The following FGFR1OP2 variants were observed in gnomAD, a reference collection of about 807,000 sequenced individuals.
FGFR1OP2 encodes the protein fibroblast growth factor receptor 1 oncogene partner 2.
Under a neutral mutation model 35.2 loss-of-function variants are expected in FGFR1OP2, and 17 were observed. The observed-to-expected ratio is 0.48, with a 90% CI of 0.33 to 0.73. The LOEUF (loss-of-function observed/expected upper bound fraction) is 0.73, where lower values mean the gene tolerates loss of function less well. Ranked by LOEUF, FGFR1OP2 falls within the 30% of genes least tolerant of loss-of-function variation. The probability of loss-of-function intolerance (pLI) is 0.02; values close to 1 mark genes in which losing one functional copy is unlikely to be tolerated. For synonymous variants in FGFR1OP2, 105 were observed against 104.6 expected (o/e 1.00, Z -0.03); for missense variants, 251 against 307.3 (o/e 0.82, Z 1.37).
At chr12:26,944,402 G>GA (rs1321083710) in intron 1 of FGFR1OP2, among the ~76,000 whole-genome samples, 2 of 152,118 alleles carry the variant, frequency 1.3e-5, no homozygotes, top group Non-Finnish European at 2.9e-5. Context: ...TAAGTTTTCT[G>GA]AAAATGCCCT....
At chr12:26,944,388 G>A (rs1362076377) in intron 1 of FGFR1OP2, among the ~76,000 whole-genome samples, 3 of 152,134 alleles carry the variant, frequency 2.0e-5, no homozygotes, top group Non-Finnish European at 4.4e-5. Context: ...TATGACGTTT[G>A]CTGTAAGTTT....
chr12:26,942,575 G>A (rs1938753657), intron 1 of FGFR1OP2, among the ~76,000 whole-genome samples: 2 of 152,198 alleles, frequency 1.3e-5, no homozygotes, highest in South Asian at 2.1e-4. Context: ...AGAAAACAGT[G>A]ACTTATACAT....
rs944924638 is a variant in FGFR1OP2 at position 26,938,614 on chromosome 12, G to A, written c.-111G>A. 2 of 152,450 alleles carry A rather than the reference G, an allele frequency of 1.3e-5. No individual in the cohort carries two copies. Among genetic ancestry groups the A allele is most frequent in the South Asian group, 2.1e-4 (1 of 4,838 alleles). 9.4% of individuals were successfully genotyped at this position (152,450 alleles called of 1,614,324 possible). The stretch of plus-strand genomic sequence containing the variant: ...GCTTGCTGAGGAGGCGGATTAGGGG[G>A]GCGCGGAGTCTCTTCCCTTGAGTGC... On this transcript the variant is annotated 5_prime_UTR_variant, in exon 1 of 7. Coordinates refer to ENST00000229395, the MANE Select transcript of FGFR1OP2 (RefSeq NM_015633.3).
chr12:26,959,760 A>T (rs1030124953), intron 4 of FGFR1OP2, among the ~76,000 whole-genome samples: 3 of 152,148 alleles, frequency 2.0e-5, no homozygotes, highest in African/African-American at 7.2e-5. Context: ...ATACATATTA[A>T]TGTTTGTGAT....
chr12:26,956,502 T>TA, intron 2 of FGFR1OP2, 41 bp from the exon 3 acceptor site: 2 of 470,268 alleles, frequency 4.3e-6, no homozygotes, highest in Non-Finnish European at 7.2e-6. Flanking sequence ...ATATATATAT[T>TA]TGCAGGTATT....
rs766810471 is a variant in FGFR1OP2, at chr12:26,957,692, C to T, written c.345C>T (p.Ser115=). Residue 115 remains serine, a synonymous_variant, in exon 4 of 7, where the codon AGC becomes AGT. Coordinates refer to ENST00000229395, the MANE Select transcript of FGFR1OP2 (RefSeq NM_015633.3). ...REQMFRLLMA[S]KKDDPGIIMK... is the part of the protein sequence containing the mutation. ...AAATGTTTAGATTGCTAATGGCTAGCAAAAAAGATGATCCGGGTATAATAA... is the reference window on the plus strand; with the variant it reads ...AAATGTTTAGATTGCTAATGGCTAGTAAAAAAGATGATCCGGGTATAATAA... The T allele has an allele frequency of 1.4e-5, 23 of 1,612,600 alleles. No individual in the cohort carries two copies. Among genetic ancestry groups the T allele is most frequent in the Non-Finnish European group, 2.0e-5 (23 of 1,179,406 alleles).
intron 1 of FGFR1OP2, among the ~76,000 whole-genome samples, chr12:26,940,171 C>G (rs542763691): frequency 6.0e-4 from 92 of 152,262 alleles, no homozygotes; most frequent in Admixed American, 1.1e-3. Context: ...ACTCCTTAGC[C>G]TGTAGGTTAG....
chr12:26,954,308 T>C lies in FGFR1OP2; in HGVS notation c.135+15T>C. The C allele has an allele frequency of 6.3e-7, 1 of 1,577,278 alleles. No individual in the cohort carries two copies. The highest frequency in any genetic ancestry group is 8.6e-7 in the Non-Finnish European group (1 of 1,160,990). ...CCATGAAACAGGTTTGATTTTTCTT[T>C]CTTGTTCATTCCATTTATCAAAAGC... On this transcript the variant is annotated intron_variant, in intron 2 of 6. Coordinates refer to ENST00000229395, the MANE Select transcript of FGFR1OP2 (RefSeq NM_015633.3).
chr12:26,946,314 T>C (rs1230171271), intron 1 of FGFR1OP2, among the ~76,000 whole-genome samples: 2 of 152,174 alleles, frequency 1.3e-5, no homozygotes, highest in African/African-American at 4.8e-5. Flanking sequence ...CTTTGTCTGA[T>C]ATTTATTTAT....
chr12:26,949,938 C>T (rs1938890460), intron 1 of FGFR1OP2, among the ~76,000 whole-genome samples: 1 of 151,994 alleles, frequency 6.6e-6, no homozygotes, highest in Admixed American at 6.6e-5. Context: ...CAGTTTTTAT[C>T]TTCATGGATC....
At chr12:26,943,108 A>G (rs1938762741) in intron 1 of FGFR1OP2, among the ~76,000 whole-genome samples, 1 of 152,036 alleles carries the variant, frequency 6.6e-6, no homozygotes, top group African/African-American at 2.4e-5. Context: ...GTCCATTTTG[A>G]GTTAATTTTT....
Position 26,954,245 on chromosome 12 carries a change from G to A in FGFR1OP2, c.87G>A (p.Leu29=). ...ATCATGACGATGCAGCAGAATCTCT[G>A]ATTGAGCAAACCACAGCTCTCAACA... ...LRDHDDAAES[L]IEQTTALNKR... The change falls in exon 2 of 7, where the codon CTG becomes CTA. Residue 29 remains leucine, a synonymous_variant. Transcript: ENST00000229395. 1 of 1,612,298 alleles carries A rather than the reference G, an allele frequency of 6.2e-7. No individual in the cohort carries two copies. Among genetic ancestry groups the A allele is most frequent in the Non-Finnish European group, 8.5e-7 (1 of 1,178,950 alleles).
chr12:26,957,464 CTTA>C (rs1939039676), intron 3 of FGFR1OP2, 134 bp from the exon 4 acceptor site: 1 of 712,486 alleles, frequency 1.4e-6, no homozygotes, highest in East Asian at 2.6e-5. Flanking sequence ...TTTGGTGTCT[CTTA>C]TTGTTATATG....
intron 1 of FGFR1OP2, among the ~76,000 whole-genome samples, chr12:26,953,304 T>C (rs1348746021): frequency 8.0e-6 from 1 of 124,456 alleles, no homozygotes; most frequent in Admixed American, 8.2e-5. Context: ...GATAAAAGAT[T>C]TCAAGGAGGG....
rs1436842780 is a variant in FGFR1OP2, at chr12:26,948,986, T to C, written c.-14-5159T>C. On this transcript the variant is annotated intron_variant, in intron 1 of 6. Transcript: ENST00000229395. ...AGTCCAGGAGTTCCAGCCTGGGTGA[T>C]GGCAAGACCTCGCCTCTAAAAATAA... Among the ~76,000 whole-genome samples the C allele has an allele frequency of 9.9e-5, 15 of 152,248 alleles. No homozygotes were observed. The East Asian group carries it at 2.7e-3, about 27-fold the overall frequency.
chr12:26,943,318 A>C (rs1938766763), intron 1 of FGFR1OP2, among the ~76,000 whole-genome samples: 1 of 152,208 alleles, frequency 6.6e-6, no homozygotes, highest in Non-Finnish European at 1.5e-5. Flanking sequence ...CCTTGATTGA[A>C]GTAGCTTTAT....
intron 2 of FGFR1OP2, among the ~76,000 whole-genome samples, chr12:26,956,018 ATT>A (rs57254536): frequency 2.0e-5 from 3 of 148,614 alleles, no homozygotes; most frequent in African/African-American, 7.4e-5. Context: ...ACATTATGAG[ATT>A]TTTTTTTTTT....
chr12:26,962,789 C>G (rs1939121664), intron 5 of FGFR1OP2: 1 of 152,140 alleles, frequency 6.6e-6, no homozygotes, highest in Non-Finnish European at 1.5e-5. Flanking sequence ...TACTGAAAAG[C>G]AGAATTGTGC....
Position 26,940,488 on chromosome 12 carries a change from T to A in FGFR1OP2, c.-15+1778T>A, listed in dbSNP as rs73084621. Reference sequence around the variant, plus strand: ...ATTTTTATATGTAATTTATATGCGTTCTTTCTTGCATTCATAAGATTATAA... The same window carrying A: ...ATTTTTATATGTAATTTATATGCGTACTTTCTTGCATTCATAAGATTATAA... On this transcript the variant is annotated intron_variant, in intron 1 of 6. Transcript: ENST00000229395. 5.6e-3 allele frequency among the ~76,000 whole-genome samples: 858 copies of A among 152,362 alleles called. 3 individuals carry two copies. Among genetic ancestry groups the A allele is most frequent in the Middle Eastern group, 0.031 (9 of 294 alleles).
Sources: allele counts gnomAD v4.1 joint callset (sites outside exome capture counted in the v4.1 genomes callset), GRCh38; gene constraint gnomAD v4.1.1; transcripts MANE v1.5; gene names NCBI Gene and HGNC (gene_info 2026-07-23, HGNC 2026-07-21).